The following AMPD3 variants were observed in gnomAD, a reference collection of about 807,000 sequenced individuals.
The protein encoded by AMPD3 is adenosine monophosphate deaminase 3, also known as AMP deaminase 3.
In AMPD3, 57 loss-of-function variants were observed where a neutral mutation model predicts 82.3. The ratio of observed to expected loss-of-function variants is 0.69; its 90% CI spans 0.56 to 0.86. The LOEUF is 0.86. Ranked by LOEUF, AMPD3 falls within the 40% of genes least tolerant of loss-of-function variation. The probability of loss-of-function intolerance (pLI) is 0.00; values close to 1 mark genes in which losing one functional copy is unlikely to be tolerated. For missense variants in AMPD3, 870 were observed against 1,003.8 expected, an observed-to-expected ratio of 0.87 and a Z score of 1.80; for synonymous variants, 381 against 394.7, an observed-to-expected ratio of 0.97 and a Z score of 0.41.
intron 2 of AMPD3, among the ~76,000 whole-genome samples, chr11:10,469,652 A>G (rs973448842): frequency 6.6e-6 from 1 of 152,156 alleles, no homozygotes; most frequent in Admixed American, 6.5e-5. Flanking sequence ...ACTATTCCAA[A>G]CTCATTTTAT....
chr11:10,485,419 T>C (rs1358165049), intron 5 of AMPD3, among the ~76,000 whole-genome samples: 1 of 152,096 alleles, frequency 6.6e-6, no homozygotes, highest in Non-Finnish European at 1.5e-5. Context: ...ATTTTTTATA[T>C]TTTTAGTAGA....
chr11:10,479,876 AT>A (rs1397704389), intron 3 of AMPD3: 1 of 984,824 alleles, frequency 1.0e-6, no homozygotes, highest in East Asian at 1.1e-4. Context: ...TTAAGTTCCC[AT>A]GGATGGGAGT....
chr11:10,500,185 C>T lies in AMPD3; in HGVS notation c.1657C>T (p.Pro553Ser). The change falls in exon 11 of 15, where the codon CCA becomes TCA. Residue 553 changes from proline (P) to serine (S), a missense_variant. Transcript: ENST00000396553. ...NPDVWTSEQN[P>S]PYSYYLYYMY... ...GGACGTCTGGACCAGTGAGCAGAAC[C>T]CACCCTACAGCTACTACCTGTACTA... 1 of 1,614,238 alleles carries T rather than the reference C, an allele frequency of 6.2e-7. No homozygotes were observed. The highest frequency in any genetic ancestry group is 8.5e-7 in the Non-Finnish European group (1 of 1,180,046).
intron 1 of AMPD3, chr11:10,455,982 G>A: frequency 2.0e-6 from 2 of 985,392 alleles, no homozygotes; most frequent in Non-Finnish European, 2.4e-6. Flanking sequence ...GGCGTTAGAG[G>A]GAGGCTGTGG....
Position 10,456,937 on chromosome 11 carries a change from A to G in AMPD3, c.-6+1489A>G, listed in dbSNP as rs1848110973. Among the ~76,000 whole-genome samples the G allele has an allele frequency of 2.0e-5, 3 of 148,488 alleles. No homozygotes were observed. Among genetic ancestry groups the G allele is most frequent in the Admixed American group, 1.3e-4 (2 of 15,018 alleles). ...TGGGTTACTTGGTCCATACTAAGATATGGAATTAATTATTTTGTTGTGGTT... is the reference window on the plus strand; with the variant it reads ...TGGGTTACTTGGTCCATACTAAGATGTGGAATTAATTATTTTGTTGTGGTT... On this transcript the variant is annotated intron_variant, in intron 1 of 14. Transcript: ENST00000396553. The surrounding 1 kb of genome is among the most constrained non-coding windows in gnomAD (Gnocchi z 4.3).
At chr11:10,493,238 C>G in intron 6 of AMPD3, 111 bp from the exon 7 acceptor site, 1 of 1,281,584 alleles carries the variant, frequency 7.8e-7, no homozygotes, top group Non-Finnish European at 1.1e-6. Flanking sequence ...TGGGGCTGCC[C>G]GGATGGCCCA....
intron 11 of AMPD3, 171 bp from the exon 12 acceptor site, chr11:10,501,299 A>G (rs4910147): frequency 1 from 984,099 of 985,274 alleles, 491,470 homozygotes; most frequent in East Asian, 1. Flanking sequence ...AAGGGGCCCC[A>G]GGGCCTGGAC....
At chr11:10,490,557 A>G in intron 6 of AMPD3, 1 of 985,342 alleles carries the variant, frequency 1.0e-6, no homozygotes, top group Non-Finnish European at 1.2e-6. Context: ...CCTCTGGTGA[A>G]CTGAAAACAC....
Position 10,506,211 on chromosome 11 carries a change from G to A in AMPD3, c.*327G>A, listed in dbSNP as rs146002789. 2.8e-6 allele frequency: 1 copy of A among 357,804 alleles called. No homozygotes were observed. Among genetic ancestry groups the A allele is most frequent in the Admixed American group, 4.2e-5 (1 of 23,658 alleles). The allele number at this position is 357,804 out of a possible 1,614,324, so 22.2% of individuals were successfully genotyped here. ...AGGATTTTCCCTGGTCAGATGCCAA[G>A]TAACATGTGGTTTTCTGCCATACTT... On this transcript the variant is annotated 3_prime_UTR_variant, in exon 15 of 15. Coordinates refer to ENST00000396553, the MANE Select transcript of AMPD3 (RefSeq NM_001025389.2). The surrounding 1 kb of genome is among the most constrained non-coding windows in gnomAD (Gnocchi z 4.1).
At position 10,473,324 on chromosome 11, in the gene AMPD3, T is replaced by A. The variant is rs1218448892; in HGVS notation, c.222-5202T>A. The A allele has an allele frequency of 3.3e-6, 3 of 907,398 alleles. No individual in the cohort carries two copies. The East Asian group carries it at 3.5e-4, about 107-fold the overall frequency. 56.2% of individuals were successfully genotyped at this position (907,398 alleles called of 1,614,324 possible). On this transcript the variant is annotated intron_variant, in intron 2 of 14. Transcript: ENST00000396553. ...GGGAGAGAGATTGTAACACTTAAGTTAACAGATAGTACAGATTGCACTTCA... is the reference window on the plus strand; with the variant it reads ...GGGAGAGAGATTGTAACACTTAAGTAAACAGATAGTACAGATTGCACTTCA...
chr11:10,500,507 A>C (rs1849547215), intron 11 of AMPD3: 1 of 732,858 alleles, frequency 1.4e-6, no homozygotes, highest in South Asian at 6.1e-5. Context: ...CATGTACAGT[A>C]TGCAATGCAG....
intron 4 of AMPD3, among the ~76,000 whole-genome samples, chr11:10,482,893 G>T (rs1288069510): frequency 6.6e-6 from 1 of 152,178 alleles, no homozygotes; most frequent in Non-Finnish European, 1.5e-5. Context: ...GTGGATCGGG[G>T]TGGGAGTAGG....
intron 2 of AMPD3, chr11:10,477,968 T>G (rs1337597951): frequency 1.0e-6 from 1 of 985,330 alleles, no homozygotes; most frequent in Non-Finnish European, 1.2e-6. Flanking sequence ...GACTCCTTTG[T>G]AAAACAAGGA....
chr11:10,481,364 C>T lies in AMPD3; in HGVS notation c.427-699C>T, dbSNP rs1043860343. The T allele has an allele frequency of 8.1e-6, 7 of 862,618 alleles. No homozygotes were observed. In the African/African-American group the frequency reaches 9.2e-5, roughly 11 times the overall value. 53.4% of individuals were successfully genotyped at this position (862,618 alleles called of 1,614,324 possible). ...TGAAAATGACGGTGCTCATCGCCTT[C>T]AGGGATAGGACTCAGGCTTTGTCCC... On this transcript the variant is annotated intron_variant, in intron 3 of 14. Coordinates refer to ENST00000396553, the MANE Select transcript of AMPD3 (RefSeq NM_001025389.2).
Position 10,456,057 on chromosome 11 carries a change from G to T in AMPD3, c.-6+609G>T, listed in dbSNP as rs1429174336. On this transcript the variant is annotated intron_variant, in intron 1 of 14. Coordinates refer to ENST00000396553, the MANE Select transcript of AMPD3 (RefSeq NM_001025389.2). The surrounding 1 kb of genome is among the most constrained non-coding windows in gnomAD (Gnocchi z 4.3). ...TTGTAAAGAGGAAGCCGCCGCTTTA[G>T]TTTCCTCTTGTGAGGGCTGTGAAGA... 5 of 1,074,178 alleles carry T rather than the reference G, an allele frequency of 4.7e-6. No individual in the cohort carries two copies. 66.5% of individuals were successfully genotyped at this position (1,074,178 alleles called of 1,614,324 possible).
At chr11:10,471,276 CTG>C (rs922294634) in intron 2 of AMPD3, among the ~76,000 whole-genome samples, 2 of 147,064 alleles carry the variant, frequency 1.4e-5, no homozygotes, top group African/African-American at 4.9e-5. Flanking sequence ...AAAACTGAAA[CTG>C]GACTCCTTAC....
At chr11:10,479,415 C>CT (rs1297686770) in intron 3 of AMPD3, among the ~76,000 whole-genome samples, 1 of 152,222 alleles carries the variant, frequency 6.6e-6, no homozygotes, top group African/African-American at 2.4e-5. Context: ...TCATTAGTCT[C>CT]TTTTTAACAG....
chr11:10,494,724 G>A (rs553652891), intron 7 of AMPD3, 175 bp from the exon 8 acceptor site: 8 of 985,076 alleles, frequency 8.1e-6, no homozygotes, highest in Middle Eastern at 5.2e-4. Flanking sequence ...CAAGCTGACC[G>A]AGTGAGGATC....
chr11:10,451,998 C>T (rs973900875), upstream of AMPD3, among the ~76,000 whole-genome samples: 1 of 152,110 alleles, frequency 6.6e-6, no homozygotes, highest in African/African-American at 2.4e-5. Flanking sequence ...CTTCATGGGG[C>T]CTGGCTTGCT....
Sources: allele counts gnomAD v4.1 joint callset (sites outside exome capture counted in the v4.1 genomes callset), GRCh38; gene constraint gnomAD v4.1.1; non-coding constraint Gnocchi (gnomAD v3.1); transcripts MANE v1.5; gene names NCBI Gene and HGNC (gene_info 2026-07-23, HGNC 2026-07-21).